The following NXPE2 variants were observed in gnomAD, a reference collection of about 807,000 sequenced individuals.
NXPE2 encodes neurexophilin and PC-esterase domain family member 2, also known as NXPE family member 2.
Under a neutral mutation model 34.4 loss-of-function variants are expected in NXPE2, and 34 were observed. The ratio of observed to expected loss-of-function variants is 0.99; its 90% confidence interval spans 0.75 to 1.31. NXPE2 has a LOEUF of 1.31. Ranked by LOEUF, NXPE2 falls within the 40% of genes most tolerant of loss-of-function variation. The pLI, the probability that NXPE2 is intolerant of heterozygous loss-of-function variation, is 0.00. For missense variants in NXPE2, 649 were observed against 672.5 expected (o/e 0.97, Z 0.39); for synonymous variants, 235 against 231.3 (o/e 1.02, Z -0.15).
At chr11:114,508,816 A>T in the NXPE2 span, among the ~76,000 whole-genome samples, 1 of 152,224 alleles carries the variant, frequency 6.6e-6, no homozygotes, top group Non-Finnish European at 1.5e-5. Context: ...TCTAGGCAAT[A>T]CCATTCACAA....
the NXPE2 span, among the ~76,000 whole-genome samples, chr11:114,653,672 C>A: frequency 6.6e-6 from 1 of 151,740 alleles, no homozygotes. Flanking sequence ...GGACTACAGG[C>A]GCCCACCACT....
chr11:114,522,479 T>C, the NXPE2 span: 2 of 1,602,698 alleles, frequency 1.2e-6, no homozygotes, highest in African/African-American at 1.3e-5. Context: ...GATTCCAGTT[T>C]CATGAAGATC....
the NXPE2 span, among the ~76,000 whole-genome samples, chr11:114,493,441 G>C: frequency 6.6e-6 from 1 of 152,032 alleles, no homozygotes; most frequent in Non-Finnish European, 1.5e-5. Context: ...ATTTTCTCAG[G>C]TGGTATGTTT....
At chr11:114,564,772 A>G in the NXPE2 span, among the ~76,000 whole-genome samples, 1 of 152,176 alleles carries the variant, frequency 6.6e-6, no homozygotes, top group African/African-American at 2.4e-5. Context: ...TATATGTTTC[A>G]TATGATCTTT....
At chr11:114,557,644 T>C in the NXPE2 span, among the ~76,000 whole-genome samples, 3 of 39,052 alleles carry the variant, frequency 7.7e-5, no homozygotes, top group East Asian at 2.2e-3. Context: ...CATATATATA[T>C]ATATATATAT....
At chr11:114,480,322 C>T in the NXPE2 span, among the ~76,000 whole-genome samples, 3 of 152,202 alleles carry the variant, frequency 2.0e-5, no homozygotes, top group African/African-American at 7.2e-5. Flanking sequence ...ACTATAATCC[C>T]TTGGCCAAGT....
chr11:114,540,940 G>C, the NXPE2 span, among the ~76,000 whole-genome samples: 1 of 136,610 alleles, frequency 7.3e-6, no homozygotes, highest in African/African-American at 2.7e-5. Flanking sequence ...GGATGGAGGG[G>C]GAAATCCCAG....
the NXPE2 span, among the ~76,000 whole-genome samples, chr11:114,471,336 T>G: frequency 6.6e-6 from 1 of 152,194 alleles, no homozygotes; most frequent in Non-Finnish European, 1.5e-5. Flanking sequence ...TGAAGTTCAC[T>G]TTTTGCATAT....
In NXPE2 at chr11:114,698,053, C is replaced by A; in HGVS notation, c.141C>A (p.Phe47Leu). ...LASKDHTKFS[F>L]NLENHIILNQ... ...CCCTTTCAATATTTCAGTTCTCGTTCAACTTGGAAAACCATATTATCCTGA... is the reference window on the plus strand; with the variant it reads ...CCCTTTCAATATTTCAGTTCTCGTTAAACTTGGAAAACCATATTATCCTGA... Residue 47 changes from phenylalanine to leucine, a missense_variant, in exon 3 of 6, where the codon TTC (phenylalanine) becomes TTA (leucine). Transcript: ENST00000389586. 1 of 1,500,024 alleles carries A rather than the reference C, an allele frequency of 6.7e-7. No individual in the cohort carries two copies. Among genetic ancestry groups the A allele is most frequent in the South Asian group, 1.3e-5 (1 of 74,992 alleles). 92.9% of individuals were successfully genotyped at this position (1,500,024 alleles called of 1,614,324 possible). A position where few individuals can be genotyped will look rare whatever the true frequency, so the allele number is the denominator to read the frequency against.
At chr11:114,681,396 T>A (rs1161801270) in intron 2 of NXPE2, among the ~76,000 whole-genome samples, 1 of 152,216 alleles carries the variant, frequency 6.6e-6, no homozygotes. Flanking sequence ...CTTCAGCAGC[T>A]CCTCATGTAG....
the NXPE2 span, among the ~76,000 whole-genome samples, chr11:114,615,781 A>G: frequency 4.0e-5 from 6 of 151,656 alleles, no homozygotes; most frequent in Non-Finnish European, 7.4e-5. Context: ...ATGGGTAACC[A>G]CTGTTACCCA....
chr11:114,611,553 G>C, the NXPE2 span, among the ~76,000 whole-genome samples: 14 of 151,882 alleles, frequency 9.2e-5, no homozygotes, highest in African/African-American at 2.2e-4. Context: ...GTTGCCTCTT[G>C]GGTAACCAGT....
the NXPE2 span, among the ~76,000 whole-genome samples, chr11:114,812,176 G>C: frequency 1.7e-4 from 26 of 152,324 alleles, no homozygotes; most frequent in African/African-American, 5.8e-4. Context: ...TAGCGCCTGG[G>C]AGCAGAGCTA....
chr11:114,784,548 A>T, the NXPE2 span, among the ~76,000 whole-genome samples: 2 of 152,038 alleles, frequency 1.3e-5, no homozygotes, highest in African/African-American at 4.8e-5. Context: ...CGTCTCACTC[A>T]CAAAGACAAC....
the NXPE2 span, among the ~76,000 whole-genome samples, chr11:114,602,790 AATT>A: frequency 1.4e-5 from 2 of 143,976 alleles, no homozygotes; most frequent in Non-Finnish European, 3.0e-5. Flanking sequence ...AATGTATAAT[AATT>A]ATCTCATATA....
intron 2 of NXPE2, among the ~76,000 whole-genome samples, chr11:114,695,362 G>A (rs749614227): frequency 3.3e-5 from 5 of 152,062 alleles, no homozygotes; most frequent in Admixed American, 6.6e-5. Context: ...CCCTTAAATC[G>A]TGACCTTCAC....
chr11:114,630,518 C>T, the NXPE2 span, among the ~76,000 whole-genome samples: 5 of 151,290 alleles, frequency 3.3e-5, no homozygotes, highest in Admixed American at 2.0e-4. Context: ...ATACAAAAAT[C>T]AATTCAAGAT....
the NXPE2 span, among the ~76,000 whole-genome samples, chr11:114,623,360 T>C: frequency 6.6e-6 from 1 of 152,004 alleles, no homozygotes; most frequent in African/African-American, 2.4e-5. Flanking sequence ...GCCTGTAGGG[T>C]AACCACTTTT....
intron 3 of NXPE2, 85 bp from the exon 4 acceptor site, chr11:114,703,906 G>C: frequency 1.1e-6 from 1 of 939,072 alleles, no homozygotes; most frequent in Admixed American, 2.1e-5. Flanking sequence ...ATTTGGAGAA[G>C]AGAGGTTTAA....
Sources: gnomAD v4.1 joint callset for allele counts (sites outside exome capture counted in the v4.1 genomes callset) on GRCh38, gnomAD v4.1.1 for gene constraint, MANE v1.5 for transcripts, NCBI Gene and HGNC (gene_info 2026-07-23, HGNC 2026-07-21) for gene names.